Variants in MELK observed in about 807,000 individuals in gnomAD.
MELK encodes pEg3 kinase.
Under a neutral mutation model 85.0 loss-of-function variants are expected in MELK, and 81 were observed. The ratio of observed to expected loss-of-function variants is 0.95; its 90% CI spans 0.80 to 1.15. The LOEUF (loss-of-function observed/expected upper bound fraction) is 1.15. Ranked by LOEUF, MELK falls within the 50% of genes most tolerant of loss-of-function variation. The pLI, the probability that MELK is intolerant of heterozygous loss-of-function variation, is 0.00. For synonymous variants in MELK, 252 were observed against 265.0 expected, an observed-to-expected ratio of 0.95 and a Z score of 0.48; for missense variants, 754 against 777.5, an observed-to-expected ratio of 0.97 and a Z score of 0.36.
chr9:36,670,766 A>G (rs1423541044), intron 15 of MELK, among the ~76,000 whole-genome samples: 1 of 151,774 alleles, frequency 6.6e-6, no homozygotes, highest in Non-Finnish European at 1.5e-5. Flanking sequence ...CCTTTTTTAA[A>G]AAGGAAGGGG....
At chr9:36,606,794 A>C (rs1825605105) in intron 7 of MELK, 1 of 148,934 alleles carries the variant, frequency 6.7e-6, no homozygotes, top group South Asian at 2.1e-4. Flanking sequence ...AATAAATGAT[A>C]TATATTTTTA....
In MELK at chr9:36,667,164, T is replaced by A. The variant is rs76252067; in HGVS notation, c.1408+1583T>A. Among the ~76,000 whole-genome samples the A allele has an allele frequency of 8.0e-3, 1,222 of 151,920 alleles. 15 individuals are homozygous for A. Among genetic ancestry groups the A allele is most frequent in the African/African-American group, 0.025 (1,046 of 41,372 alleles). The stretch of plus-strand genomic sequence containing the variant: ...TTTTCCCCTTTTTTTCTTTTTTTTT[T>A]AATTTCTTTGAGTTGGAGTCTTGCT... On this transcript the variant is annotated intron_variant, in intron 14 of 17. Transcript: ENST00000298048.
At chr9:36,664,744 A>G (rs1415485841) in intron 13 of MELK, among the ~76,000 whole-genome samples, 1 of 152,164 alleles carries the variant, frequency 6.6e-6, no homozygotes, top group Non-Finnish European at 1.5e-5. Context: ...ACCACCTTGC[A>G]GAGGCCCAAG....
chr9:36,667,716 C>T (rs1832517246), intron 14 of MELK, among the ~76,000 whole-genome samples: 1 of 152,142 alleles, frequency 6.6e-6, no homozygotes, highest in African/African-American at 2.4e-5. Flanking sequence ...CTTCCACTGG[C>T]ACTTTGCATT....
intron 8 of MELK, among the ~76,000 whole-genome samples, chr9:36,621,542 G>T (rs561575925): frequency 6.6e-6 from 1 of 152,278 alleles, no homozygotes; most frequent in African/African-American, 2.4e-5. Flanking sequence ...CACACAGCTA[G>T]TAAGAGGTAG....
intron 4 of MELK, 39 bp downstream of exon 4, chr9:36,589,691 A>G (rs1350116808): frequency 7.1e-7 from 1 of 1,409,340 alleles, no homozygotes; most frequent in Non-Finnish European, 1.0e-6. Context: ...ACATTTGATC[A>G]CTTTATCAAT....
intron 17 of MELK, among the ~76,000 whole-genome samples, chr9:36,676,559 G>A (rs550367653): frequency 3.3e-5 from 5 of 152,178 alleles, no homozygotes; most frequent in South Asian, 2.1e-4. Flanking sequence ...AATGCCGTAC[G>A]TTTCAGTTAT....
chr9:36,613,397 T>C (rs1826237798), intron 8 of MELK, among the ~76,000 whole-genome samples: 1 of 152,234 alleles, frequency 6.6e-6, no homozygotes, highest in Admixed American at 6.5e-5. Flanking sequence ...TTTCTAGATG[T>C]GTGGGGTATA....
chr9:36,650,928 C>G (rs1347964201), intron 11 of MELK, among the ~76,000 whole-genome samples: 1 of 151,972 alleles, frequency 6.6e-6, no homozygotes, highest in Non-Finnish European at 1.5e-5. Flanking sequence ...GGGTGGAGTT[C>G]AATTTGTAAG....
In MELK at chr9:36,627,053, AACACACACACACACACAC is replaced by A. The variant is rs10608377; in HGVS notation, c.667-3227_667-3210del. 1.5e-4 allele frequency among the ~76,000 whole-genome samples: 21 copies of A among 140,960 alleles called. No homozygotes were observed. The East Asian group carries it at 3.7e-3, about 25-fold the overall frequency. 92.5% of individuals were successfully genotyped at this position (140,960 alleles called of 152,430 possible). A position where few individuals can be genotyped will look rare whatever the true frequency, so the allele number is the denominator to read the frequency against. On this transcript the variant is annotated intron_variant, in intron 8 of 17. Transcript: ENST00000298048. Reference sequence around the variant, plus strand: ...GAAGACAAGGACAAGCACAAGCGCAAACACACACACACACACACACACACACACACACACACGCCAACT... The same window carrying A: ...GAAGACAAGGACAAGCACAAGCGCAAACACACACACACACACACGCCAACT...
At chr9:36,615,147 G>A (rs1372214581) in intron 8 of MELK, among the ~76,000 whole-genome samples, 32 of 143,660 alleles carry the variant, frequency 2.2e-4, no homozygotes, top group South Asian at 6.9e-4. Flanking sequence ...AGGGGCGGCC[G>A]GGCAGAGGCG....
At chr9:36,672,119 G>A (rs1832943458) in intron 16 of MELK, among the ~76,000 whole-genome samples, 1 of 152,124 alleles carries the variant, frequency 6.6e-6, no homozygotes, top group Non-Finnish European at 1.5e-5. Context: ...TGGGCAGAAG[G>A]GTGTTTTAGA....
intron 15 of MELK, among the ~76,000 whole-genome samples, chr9:36,670,284 A>G (rs919558799): frequency 1.3e-5 from 2 of 152,108 alleles, no homozygotes; most frequent in Non-Finnish European, 2.9e-5. Context: ...GTTTTTTTAA[A>G]TCTCAGTGTC....
intron 1 of MELK, among the ~76,000 whole-genome samples, chr9:36,575,639 C>T (rs1209235861): frequency 6.6e-6 from 1 of 152,114 alleles, no homozygotes; most frequent in African/African-American, 2.4e-5. Flanking sequence ...TCAGTCTTAC[C>T]TTAGTTGTTA....
intron 7 of MELK, chr9:36,607,002 C>T (rs1225795516): frequency 6.6e-6 from 1 of 152,254 alleles, no homozygotes; most frequent in Non-Finnish European, 1.5e-5. Context: ...CCAGGCTAGT[C>T]TCAAACTCCT....
At chr9:36,667,218 C>T (rs1235625441) in intron 14 of MELK, among the ~76,000 whole-genome samples, 1 of 150,606 alleles carries the variant, frequency 6.6e-6, no homozygotes, top group Non-Finnish European at 1.5e-5. Context: ...TGCAGTGGTG[C>T]GATCTCGGCT....
chr9:36,630,385 A>G lies in MELK; in HGVS notation c.735+18A>G, dbSNP rs779924447. The G allele has an allele frequency of 4.5e-6, 7 of 1,569,522 alleles. No homozygotes were observed. Among genetic ancestry groups the G allele is most frequent in the Non-Finnish European group, 6.1e-6 (7 of 1,143,342 alleles). On this transcript the variant is annotated intron_variant, in intron 9 of 17. Coordinates refer to ENST00000298048, the MANE Select transcript of MELK (RefSeq NM_014791.4). ...TGCTGCAGGTAAACTTTATTTTTAAATAATAGAAGTCTATTGTAATTGTTT... is the reference window on the plus strand; with the variant it reads ...TGCTGCAGGTAAACTTTATTTTTAAGTAATAGAAGTCTATTGTAATTGTTT...
intron 4 of MELK, among the ~76,000 whole-genome samples, chr9:36,592,833 T>A (rs1333731772): frequency 6.6e-6 from 1 of 152,114 alleles, no homozygotes; most frequent in Non-Finnish European, 1.5e-5. Flanking sequence ...AATGTACACA[T>A]TAGGTATGCA....
intron 1 of MELK, 93 bp from the exon 2 acceptor site, chr9:36,581,551 A>G (rs1268078784): frequency 1.5e-6 from 1 of 667,774 alleles, no homozygotes; most frequent in East Asian, 2.8e-5. Flanking sequence ...TATCATGTAA[A>G]TGCATAAGAC....
Sources: gnomAD v4.1 joint callset for allele counts (sites outside exome capture counted in the v4.1 genomes callset) on GRCh38, gnomAD v4.1.1 for gene constraint, MANE v1.5 for transcripts, NCBI Gene and HGNC (gene_info 2026-07-23, HGNC 2026-07-21) for gene names.